Variants in ULK1 observed in about 807,000 individuals in gnomAD.
The protein encoded by ULK1 is serine/threonine-protein kinase ULK1.
ULK1 carries 48 observed loss-of-function variants against 117.5 expected under a neutral mutation model. That is an observed-to-expected ratio of 0.41 (90% CI 0.32 to 0.52). The LOEUF is 0.52. ULK1 is among the 20% of genes least tolerant of loss of function. The probability of loss-of-function intolerance (pLI) is 0.29; values close to 1 mark genes in which losing one functional copy is unlikely to be tolerated. For synonymous variants in ULK1, 790 were observed against 637.8 expected, an observed-to-expected ratio of 1.24 and a Z score of -3.60; for missense variants, 1,387 against 1,473.4, an observed-to-expected ratio of 0.94 and a Z score of 0.96.
Position 131,921,208 on chromosome 12 carries a change from C to T in ULK1, c.3070C>T (p.Gln1024Ter). ...LEGLQHMLSDQADIENVTKCK... is the reference protein window; with the variant it reads ...LEGLQHMLSD ...GGGGCTGCAGCACATGCTCTCGGAC[C>T]AGGCCGACATCGAGAACGTCACCAA... Residue 1024 changes from glutamine to a stop codon, truncating the protein, a stop_gained, in exon 27 of 28, where the codon CAG becomes TAG. Transcript: ENST00000321867. LOFTEE classifies it high-confidence loss of function. 2 of 1,606,898 alleles carry T rather than the reference C, an allele frequency of 1.2e-6. No homozygotes were observed. The highest frequency in any genetic ancestry group is 1.1e-5 in the South Asian group (1 of 91,078).
intron 26 of ULK1, 171 bp downstream of exon 26, chr12:131,920,307 A>G (rs1890095084): frequency 2.3e-6 from 2 of 868,058 alleles, no homozygotes. Flanking sequence ...AGGCGCTCGC[A>G]GCTCGGCTGG....
chr12:131,908,007 G>A (rs1336642436), intron 5 of ULK1, among the ~76,000 whole-genome samples: 1 of 150,876 alleles, frequency 6.6e-6, no homozygotes, highest in Non-Finnish European at 1.5e-5. Context: ...GCGGGGGTGG[G>A]TGGGGCGCCG....
At position 131,919,457 on chromosome 12, in the gene ULK1, G is replaced by T. The variant is rs752884730; in HGVS notation, c.2685-15G>T. On this transcript the variant is annotated splice_polypyrimidine_tract_variant and intron_variant, in intron 24 of 27. Coordinates refer to ENST00000321867, the MANE Select transcript of ULK1 (RefSeq NM_003565.4). The stretch of plus-strand genomic sequence containing the variant: ...AGGACCAACCGGCCTCCTCTGATCT[G>T]CCTGCCGCCCCCAGCTTCGCGGAAC... The T allele has an allele frequency of 6.2e-7, 1 of 1,606,988 alleles. No individual in the cohort carries two copies. Among genetic ancestry groups the T allele is most frequent in the East Asian group, 2.2e-5 (1 of 44,806 alleles).
rs1889823298 is a variant in ULK1, at chr12:131,917,027, G to A, written c.2147G>A (p.Ser716Asn). The stretch of plus-strand genomic sequence containing the variant: ...GGGACACAAGCCCCGGACCCGGGCA[G>A]CACGGAGAGCCTGCAGGAGAAGCCC... ...AFGTQAPDPG[S>N]TESLQEKPME... The change falls in exon 21 of 28, where the codon AGC (serine) becomes AAC (asparagine). Residue 716 changes from serine (S) to asparagine (N), a missense_variant. Physicochemically the swap from Ser to Asn is conservative, Grantham distance 46. Around this residue, in one of 4 missense-constraint regions of ULK1, gnomAD observed 900 missense variants for 858.9 expected, o/e 1.05. Coordinates refer to ENST00000321867, the MANE Select transcript of ULK1 (RefSeq NM_003565.4). 1 of 1,599,562 alleles carries A rather than the reference G, an allele frequency of 6.3e-7. No individual in the cohort carries two copies. The highest frequency in any genetic ancestry group is 8.5e-7 in the Non-Finnish European group (1 of 1,173,228).
In ULK1 at chr12:131,913,779, G is replaced by A. The variant is rs748236306; in HGVS notation, c.1190G>A (p.Ser397Asn). 2.5e-6 allele frequency: 4 copies of A among 1,576,428 alleles called. No homozygotes were observed. The Admixed American group carries it at 5.4e-5, about 21-fold the overall frequency. The change falls in exon 15 of 28, where the codon AGC becomes AAC. Residue 397 changes from serine to asparagine, a missense_variant. Physicochemically the swap from Ser to Asn is conservative, Grantham distance 46 (BLOSUM62 1). Transcript: ENST00000321867. ...SSLVASAGLE[S>N]HGRTPSPSPP... Reference sequence around the variant, plus strand: ...CTGGTGGCCTCTGCGGGCTTGGAGAGCCACGGCCGGACCCCATCTCCATCC... The same window carrying A: ...CTGGTGGCCTCTGCGGGCTTGGAGAACCACGGCCGGACCCCATCTCCATCC...
chr12:131,905,297 C>T (rs191786350), intron 3 of ULK1, among the ~76,000 whole-genome samples: 2 of 152,314 alleles, frequency 1.3e-5, no homozygotes, highest in East Asian at 1.9e-4. Flanking sequence ...GTTTATGAAG[C>T]AGGCATCACC....
chr12:131,913,140 T>C, intron 13 of ULK1, 58 bp from the exon 14 acceptor site: 1 of 1,481,064 alleles, frequency 6.8e-7, no homozygotes, highest in Non-Finnish European at 8.9e-7. Context: ...CTCGGTGGGG[T>C]GGGGTGGCCC....
In ULK1 at chr12:131,910,171, C is replaced by T. The variant is rs1045128398; in HGVS notation, c.809-83C>T. Reference sequence around the variant, plus strand: ...CCGCCCGGGCAGGTGCCCAACGCGGCTGGAGCTCAGGCCGTGGGGAGGCAG... The same window carrying T: ...CCGCCCGGGCAGGTGCCCAACGCGGTTGGAGCTCAGGCCGTGGGGAGGCAG... On this transcript the variant is annotated intron_variant, in intron 10 of 27. Coordinates refer to ENST00000321867, the MANE Select transcript of ULK1 (RefSeq NM_003565.4). 4 of 1,593,160 alleles carry T rather than the reference C, an allele frequency of 2.5e-6. No homozygotes were observed. The African/African-American group carries it at 5.4e-5, about 21-fold the overall frequency.
rs1889496546 is a variant in ULK1 at position 131,910,765 on chromosome 12, A to G, written c.913A>G (p.Ser305Gly). ...AAGCTCGGGGTCCGGCAGCAGCTCC[A>G]GCAGCAGCTCCACCTCCCACCTGGC... ...YPSSGSGSSS[S>G]SSSTSHLASP... The change falls in exon 12 of 28, where the codon AGC becomes GGC. Residue 305 changes from serine to glycine, a missense_variant. Around this residue, in one of 4 missense-constraint regions of ULK1, gnomAD observed 260 missense variants for 271.6 expected, o/e 0.96. Transcript: ENST00000321867. 1.9e-6 allele frequency: 3 copies of G among 1,612,528 alleles called. No individual in the cohort carries two copies. The Admixed American group carries it at 5.0e-5, about 27-fold the overall frequency.
chr12:131,908,247 C>T (rs1889358340), intron 5 of ULK1, among the ~76,000 whole-genome samples: 1 of 152,092 alleles, frequency 6.6e-6, no homozygotes. Context: ...GGGAGACAGA[C>T]GCTGAGGCCG....
At chr12:131,911,036 G>A (rs1343070211) in intron 12 of ULK1, among the ~76,000 whole-genome samples, 1 of 152,224 alleles carries the variant, frequency 6.6e-6, no homozygotes, top group Non-Finnish European at 1.5e-5. Flanking sequence ...GTCTGGTCCT[G>A]TCTTTGGTTT....
chr12:131,909,654 G>A (rs2136392611), intron 8 of ULK1, 121 bp from the exon 9 acceptor site: 1 of 1,082,384 alleles, frequency 9.2e-7, no homozygotes, highest in Non-Finnish European at 1.3e-6. Flanking sequence ...CTAGCACCCG[G>A]TTTCCCCCGG....
rs997636407 is a variant in ULK1, at chr12:131,902,487, C to T, written c.247-4405C>T. On this transcript the variant is annotated intron_variant, in intron 3 of 27. Transcript: ENST00000321867. The surrounding 1 kb of genome is among the most constrained non-coding windows in gnomAD (Gnocchi z 6.3). Reference sequence around the variant, plus strand: ...GTGCGTGTGTGCAGGGTGTGGGGGCCGGCCTGCCTGGGGAGTGCTGTCCCA... The same window carrying T: ...GTGCGTGTGTGCAGGGTGTGGGGGCTGGCCTGCCTGGGGAGTGCTGTCCCA... Among the ~76,000 whole-genome samples, 3 of 152,138 alleles carry T rather than the reference C, an allele frequency of 2.0e-5. No homozygotes were observed. The highest frequency in any genetic ancestry group is 2.9e-5 in the Non-Finnish European group (2 of 68,018).
At chr12:131,897,936 C>T (rs1888940216) in intron 3 of ULK1, 1 of 152,218 alleles carries the variant, frequency 6.6e-6, no homozygotes, top group African/African-American at 2.4e-5. Flanking sequence ...GTTTACCCCT[C>T]TCTGTTAGAG....
chr12:131,915,744 G>A (rs1032511249), intron 18 of ULK1, 147 bp from the exon 19 acceptor site: 23 of 1,158,890 alleles, frequency 2.0e-5, no homozygotes, highest in Non-Finnish European at 2.7e-5. Context: ...ACTCCAGCCT[G>A]AATGACAGGG....
At chr12:131,921,019 C>T (rs1031481283) in intron 26 of ULK1, 81 bp from the exon 27 acceptor site, 51 of 1,471,902 alleles carry the variant, frequency 3.5e-5, no homozygotes, top group African/African-American at 4.2e-5. Flanking sequence ...ACCCCTGGGC[C>T]GCTGCCGTGG....
Position 131,896,845 on chromosome 12 carries a change from TG to T in ULK1, c.246+1024del, listed in dbSNP as rs543816645. ...ACAGCCTGCACATGCGTCATGGCTCTGGGAGCCAGCAAGGAGTGGACAGCTG... is the reference window on the plus strand; with the variant it reads ...ACAGCCTGCACATGCGTCATGGCTCTGGAGCCAGCAAGGAGTGGACAGCTG... On this transcript the variant is annotated intron_variant, in intron 3 of 27. Coordinates refer to ENST00000321867, the MANE Select transcript of ULK1 (RefSeq NM_003565.4). 3.6e-3 allele frequency: 550 copies of T among 152,424 alleles called. 5 individuals carry two copies. Among genetic ancestry groups the T allele is most frequent in the Admixed American group, 0.016 (241 of 15,292 alleles). 9.4% of individuals were successfully genotyped at this position (152,424 alleles called of 1,614,324 possible). A position where few individuals can be genotyped will look rare whatever the true frequency, so the allele number is the denominator to read the frequency against.
At chr12:131,917,369 G>GAGGCTGTGGGA (rs200803960) in intron 21 of ULK1, 42 bp from the exon 22 acceptor site, 1 of 1,403,820 alleles carries the variant, frequency 7.1e-7, no homozygotes, top group African/African-American at 1.5e-5. Context: ...ATGGGGGTCG[G>GAGGCTGTGGGA]CGGGAGTCAG....
chr12:131,918,438 G>A, intron 22 of ULK1, 59 bp from the exon 23 acceptor site: 5 of 1,538,222 alleles, frequency 3.3e-6, no homozygotes, highest in Non-Finnish European at 4.4e-6. Context: ...TGTGGGGGAT[G>A]GATGGGGGCC....
Sources: allele counts gnomAD v4.1 joint callset (sites outside exome capture counted in the v4.1 genomes callset), GRCh38; gene constraint gnomAD v4.1.1; regional missense constraint gnomAD v4.1.1; non-coding constraint Gnocchi (gnomAD v3.1); transcripts MANE v1.5; gene names NCBI Gene and HGNC (gene_info 2026-07-23, HGNC 2026-07-21).